Variants in CCDC50 observed in about 807,000 individuals in gnomAD.
CCDC50 encodes coiled-coil domain containing 50, also known as coiled-coil domain-containing protein 50.
CCDC50 carries 54 observed loss-of-function variants against 70.2 expected under a neutral mutation model. The observed-to-expected ratio is 0.77, with a 90% CI of 0.62 to 0.96. The LOEUF is 0.96. CCDC50 is among the 50% of genes least tolerant of loss of function. CCDC50 has a pLI of 0.00. For missense variants in CCDC50, 558 were observed against 578.7 expected (o/e 0.96, Z 0.37); for synonymous variants, 216 against 198.8 (o/e 1.09, Z -0.73).
chr3:191,335,109 A>T (rs1309096392), intron 1 of CCDC50, among the ~76,000 whole-genome samples: 1 of 152,200 alleles, frequency 6.6e-6, no homozygotes, highest in African/African-American at 2.4e-5. Context: ...CTTGTTAGGG[A>T]CTTAACAGTT....
Position 191,373,704 on chromosome 3 carries a change from T to C in CCDC50, c.449-1358T>C, listed in dbSNP as rs1712993720. Among the ~76,000 whole-genome samples the C allele has an allele frequency of 2.0e-5, 3 of 152,174 alleles. 1 individual carries two copies. In the South Asian group the frequency reaches 6.2e-4, roughly 31 times the overall value. On this transcript the variant is annotated intron_variant, in intron 5 of 11. Coordinates refer to ENST00000392455, the MANE Select transcript of CCDC50 (RefSeq NM_178335.3). ...ACCGGGTAATTCTTCTGTTTTGCTT[T>C]TGATTTTATGTAAAATAAAACTTAC...
chr3:191,331,575 A>C (rs568771913), intron 1 of CCDC50, among the ~76,000 whole-genome samples: 1 of 152,190 alleles, frequency 6.6e-6, no homozygotes, highest in Non-Finnish European at 1.5e-5. Flanking sequence ...AGTTACAATT[A>C]AATATTAATT....
chr3:191,336,842 A>T (rs980748930), intron 1 of CCDC50, among the ~76,000 whole-genome samples: 1 of 152,220 alleles, frequency 6.6e-6, no homozygotes, highest in African/African-American at 2.4e-5. Flanking sequence ...CATTTATCTG[A>T]TAAAGAATGA....
intron 1 of CCDC50, among the ~76,000 whole-genome samples, chr3:191,331,383 CAT>C (rs1470586538): frequency 2.0e-5 from 3 of 152,174 alleles, no homozygotes; most frequent in South Asian, 4.1e-4. Context: ...TGTATTCTAA[CAT>C]ATTATTTCTC....
chr3:191,396,742 A>T lies in CCDC50; in HGVS notation c.*4982A>T, dbSNP rs1276947801. 1 of 152,210 alleles carries T rather than the reference A, an allele frequency of 6.6e-6. No individual in the cohort carries two copies. Among genetic ancestry groups the T allele is most frequent in the Non-Finnish European group, 1.5e-5 (1 of 68,020 alleles). The allele number at this position is 152,210 out of a possible 1,614,324, so 9.4% of individuals were successfully genotyped here. A position where few individuals can be genotyped will look rare whatever the true frequency, so the allele number is the denominator to read the frequency against. On this transcript the variant is annotated 3_prime_UTR_variant, in exon 12 of 12. Transcript: ENST00000392455. ...GAAGAGTGTTTCTGTTTTATTACTT[A>T]TAAGAGAAAAGCAGGAAAACTTTTG...
rs1713725683 is a variant in CCDC50, at chr3:191,392,409, C to T, written c.*649C>T. On this transcript the variant is annotated 3_prime_UTR_variant, in exon 12 of 12. Coordinates refer to ENST00000392455, the MANE Select transcript of CCDC50 (RefSeq NM_178335.3). Reference sequence around the variant, plus strand: ...CTCAGTAGCAAGGCTTTCCTAAGCTCCTGGGCAATGGAACATTTATTAGTA... The same window carrying T: ...CTCAGTAGCAAGGCTTTCCTAAGCTTCTGGGCAATGGAACATTTATTAGTA... 6.6e-6 allele frequency: 1 copy of T among 152,150 alleles called. No individual in the cohort carries two copies. Among genetic ancestry groups the T allele is most frequent in the South Asian group, 2.1e-4 (1 of 4,824 alleles). The allele number at this position is 152,150 out of a possible 1,614,324, so 9.4% of individuals were successfully genotyped here.
At chr3:191,378,167 A>C (rs918625681) in intron 6 of CCDC50, among the ~76,000 whole-genome samples, 4 of 152,206 alleles carry the variant, frequency 2.6e-5, no homozygotes, top group African/African-American at 9.6e-5. Flanking sequence ...GTGATACATC[A>C]AGGGTTTAAA....
intron 4 of CCDC50, among the ~76,000 whole-genome samples, chr3:191,364,779 A>AT (rs527347071): frequency 2.0e-5 from 3 of 149,820 alleles, no homozygotes; most frequent in Non-Finnish European, 4.4e-5. Flanking sequence ...TGAAAAAAAA[A>AT]TTTTTTTTTC....
chr3:191,380,993 T>C (rs1713300316), intron 9 of CCDC50, 61 bp downstream of exon 9: 2 of 1,290,690 alleles, frequency 1.5e-6, no homozygotes, highest in Non-Finnish European at 2.2e-6. Flanking sequence ...AAGGGGACTC[T>C]GCTTTTGAGT....
intron 11 of CCDC50, among the ~76,000 whole-genome samples, chr3:191,390,076 C>T (rs1713634524): frequency 1.3e-5 from 2 of 151,884 alleles, no homozygotes; most frequent in African/African-American, 4.8e-5. Flanking sequence ...TCACCCCAGG[C>T]TGGACTCAAG....
chr3:191,390,550 G>T (rs1316309552), intron 11 of CCDC50, among the ~76,000 whole-genome samples: 51 of 152,200 alleles, frequency 3.4e-4, no homozygotes, highest in Non-Finnish European at 1.9e-4. Flanking sequence ...GGAACTGAGG[G>T]TTCCTCCCCT....
chr3:191,350,664 G>T (rs71312411), intron 1 of CCDC50, among the ~76,000 whole-genome samples: 3 of 141,798 alleles, frequency 2.1e-5, no homozygotes, highest in Non-Finnish European at 1.6e-5. Flanking sequence ...TGAAAGGAAC[G>T]TGTAGCCGTT....
intron 5 of CCDC50, among the ~76,000 whole-genome samples, chr3:191,372,542 G>C (rs1712947228): frequency 6.6e-6 from 1 of 152,008 alleles, no homozygotes; most frequent in Non-Finnish European, 1.5e-5. Context: ...GTACTTCTCT[G>C]TATGCCTTTG....
At chr3:191,330,504 T>C (rs1717943358) in intron 1 of CCDC50, 1 of 152,298 alleles carries the variant, frequency 6.6e-6, no homozygotes, top group Non-Finnish European at 1.5e-5. Context: ...TTTGCTGAGA[T>C]CTTAGGTGCT....
At chr3:191,358,146 G>A (rs201158094) in intron 3 of CCDC50, 22 bp downstream of exon 3, 26 of 1,613,236 alleles carry the variant, frequency 1.6e-5, no homozygotes, top group Non-Finnish European at 2.1e-5. Context: ...GGAGGTGGGA[G>A]GGGTGATGCA....
chr3:191,369,637 T>A (rs1476284364), intron 4 of CCDC50, among the ~76,000 whole-genome samples: 2 of 152,316 alleles, frequency 1.3e-5, no homozygotes, highest in Non-Finnish European at 2.9e-5. Flanking sequence ...ATTTTTAAAA[T>A]TCTGTTGTGT....
chr3:191,359,055 A>G (rs186619073), intron 3 of CCDC50, among the ~76,000 whole-genome samples: 1 of 152,338 alleles, frequency 6.6e-6, no homozygotes, highest in Admixed American at 6.5e-5. Context: ...AAAGGAGACC[A>G]GAGATATGAA....
At chr3:191,363,059 A>G (rs552847628) in intron 4 of CCDC50, among the ~76,000 whole-genome samples, 1 of 131,978 alleles carries the variant, frequency 7.6e-6, no homozygotes, top group East Asian at 2.4e-4. Flanking sequence ...TATAAATGCT[A>G]CTGCTGTCCT....
intron 1 of CCDC50, among the ~76,000 whole-genome samples, chr3:191,337,298 G>T (rs543549629): frequency 2.6e-5 from 4 of 152,178 alleles, no homozygotes; most frequent in African/African-American, 9.6e-5. Flanking sequence ...TTAATATAAT[G>T]ATGCCCTTGG....
Sources: gnomAD v4.1 joint callset for allele counts (sites outside exome capture counted in the v4.1 genomes callset) on GRCh38, gnomAD v4.1.1 for gene constraint, MANE v1.5 for transcripts, NCBI Gene and HGNC (gene_info 2026-07-23, HGNC 2026-07-21) for gene names.